The following MMP3 variants were observed in gnomAD, a reference collection of about 807,000 sequenced individuals.
The protein encoded by MMP3 is matrix metallopeptidase 3.
MMP3 carries 46 observed loss-of-function variants against 47.3 expected under a neutral mutation model. The observed-to-expected ratio is 0.97, with a 90% confidence interval of 0.77 to 1.24. The LOEUF (loss-of-function observed/expected upper bound fraction) is 1.24. Among genes scored for constraint, MMP3 ranks in the 50% most tolerant of loss-of-function variants. The pLI, the probability that MMP3 is intolerant of heterozygous loss-of-function variation, is 0.00. For synonymous variants in MMP3, 216 were observed against 206.5 expected (o/e 1.05, Z -0.39); for missense variants, 558 against 565.5 (o/e 0.99, Z 0.13).
chr11:102,843,010 C>G, intron 1 of MMP3, 94 bp from the exon 2 acceptor site: 2 of 1,115,482 alleles, frequency 1.8e-6, no homozygotes, highest in Non-Finnish European at 2.5e-6. Context: ...ACTTCTTAAT[C>G]TATTTGGAGT....
In MMP3 at chr11:102,840,259, G is replaced by T. The variant is rs1858971391; in HGVS notation, c.791-7C>A. 3 of 1,611,168 alleles carry T rather than the reference G, an allele frequency of 1.9e-6. No individual in the cohort carries two copies. In the South Asian group the frequency reaches 3.3e-5, roughly 18 times the overall value. The stretch of plus-strand genomic sequence containing the variant: ...GGGGAGTCAGGGGGAGGTCCTAAAG[G>T]GAACATTAGGGGAAATGTGATACGT... On this transcript the variant is annotated splice_region_variant and splice_polypyrimidine_tract_variant and intron_variant, in intron 5 of 9. Coordinates refer to ENST00000299855, the MANE Select transcript of MMP3 (RefSeq NM_002422.5).
chr11:102,840,195 T>G lies in MMP3; in HGVS notation c.848A>C (p.Glu283Ala), dbSNP rs782700324. 3 of 1,614,032 alleles carry G rather than the reference T, an allele frequency of 1.9e-6. No homozygotes were observed. Among genetic ancestry groups the G allele is most frequent in the Non-Finnish European group, 2.5e-6 (3 of 1,179,974 alleles). ...ATCACAGTTGGCTGGCGTCCCAGGT[T>G]CTGGAGGGACAGGTTCCGTGGGTAC... is the stretch of plus-strand genomic sequence containing the variant. The part of the protein sequence containing the change: ...PLVPTEPVPP[E>A]PGTPANCDPA... Residue 283 changes from glutamate (E) to alanine (A), a missense_variant, in exon 6 of 10, where the codon GAA (glutamate) becomes GCA (alanine). Physicochemically the swap from Glu to Ala is moderately radical, Grantham distance 107. Transcript: ENST00000299855.
chr11:102,841,263 T>C (rs1321388983), intron 4 of MMP3, among the ~76,000 whole-genome samples: 1 of 152,288 alleles, frequency 6.6e-6, no homozygotes, highest in African/African-American at 2.4e-5. Context: ...TTGGGAGGCA[T>C]TGGGTAATTA....
In MMP3 at chr11:102,840,212, C is replaced by T. The variant is rs536932547; in HGVS notation, c.831G>A (p.Thr277=). Residue 277 remains threonine, a synonymous_variant, in exon 6 of 10, where the codon ACG becomes ACA. Transcript: ENST00000299855. ...PDSPETPLVP[T]EPVPPEPGTP... ...TCCCAGGTTCTGGAGGGACAGGTTC[C>T]GTGGGTACCAGGGGGGTCTCAGGGG... The T allele has an allele frequency of 9.9e-6, 16 of 1,613,820 alleles. No individual in the cohort carries two copies. Among genetic ancestry groups the T allele is most frequent in the South Asian group, 4.4e-5 (4 of 91,070 alleles).
In MMP3 at chr11:102,838,603, A is replaced by G; in HGVS notation, c.1177T>C (p.Ser393Pro). 1 of 1,614,066 alleles carries G rather than the reference A, an allele frequency of 6.2e-7. No individual in the cohort carries two copies. The highest frequency in any genetic ancestry group is 1.1e-5 in the South Asian group (1 of 91,070). Residue 393 changes from serine (S) to proline (P), a missense_variant, in exon 8 of 10, where the codon TCT becomes CCT. Ser to Pro is a moderately conservative substitution (Grantham distance 74, BLOSUM62 -1). Coordinates refer to ENST00000299855, the MANE Select transcript of MMP3 (RefSeq NM_002422.5). ...TATGTTTTGTTCTTTTCCTTATCAG[A>G]AATGGCTGCATCGATTTTCCTCACG... is the stretch of plus-strand genomic sequence containing the variant. ...PTVRKIDAAI[S>P]DKEKNKTYFF...
At position 102,836,413 on chromosome 11, in the gene MMP3, GT is replaced by G; in HGVS notation, c.1334-188del. On this transcript the variant is annotated intron_variant, in intron 9 of 9. Transcript: ENST00000299855. The surrounding 1 kb of genome is among the most constrained non-coding windows in gnomAD (Gnocchi z 4.6). ...TTTATTTCTGCAACAACCCTATGAG[GT>G]TGTATGTCTAACTCCATTTACAGAT... The G allele has an allele frequency of 1.5e-6, 1 of 660,252 alleles. No homozygotes were observed. The highest frequency in any genetic ancestry group is 2.9e-6 in the Non-Finnish European group (1 of 350,094). The allele number at this position is 660,252 out of a possible 1,614,324, so 40.9% of individuals were successfully genotyped here.
chr11:102,842,772 G>T lies in MMP3; in HGVS notation c.250C>A (p.Leu84Met). 1 of 1,613,962 alleles carries T rather than the reference G, an allele frequency of 6.2e-7. No homozygotes were observed. The highest frequency in any genetic ancestry group is 1.3e-5 in the African/African-American group (1 of 75,026). ...EVTGKLDSDT[L>M]EVMRKPRCGV... ...CACCTGGGCTTGCGCATCACCTCCAGAGTGTCGGAGTCCAGCTTCCCCGTC... is the reference window on the plus strand; with the variant it reads ...CACCTGGGCTTGCGCATCACCTCCATAGTGTCGGAGTCCAGCTTCCCCGTC... The change falls in exon 2 of 10, where the codon CTG becomes ATG. Residue 84 changes from leucine (L) to methionine (M), a missense_variant. Physicochemically the swap from Leu to Met is conservative, Grantham distance 15. Coordinates refer to ENST00000299855, the MANE Select transcript of MMP3 (RefSeq NM_002422.5).
intron 5 of MMP3, 47 bp from the exon 6 acceptor site, chr11:102,840,299 A>G (rs952235025): frequency 6.2e-7 from 1 of 1,600,462 alleles, no homozygotes; most frequent in Admixed American, 1.7e-5. Flanking sequence ...ATATATGCCC[A>G]TTTGTATGCT....
Position 102,836,180 on chromosome 11 carries a change from T to C in MMP3, c.1380A>G (p.Pro460=). Residue 460 remains proline (P), a synonymous_variant, in exon 10 of 10, where the codon CCA becomes CCG. Coordinates refer to ENST00000299855, the MANE Select transcript of MMP3 (RefSeq NM_002422.5). This position sits in a 1 kb window ranked among gnomAD's most constrained non-coding sequence, Gnocchi z 4.6. ...FTGSSQLEFD[P]NAKKVTHTLK... ...AAGTGTGTGTCACTTTCTTTGCATT[T>C]GGGTCAAACTCCAACTGTGAAGATC... 6.2e-7 allele frequency: 1 copy of C among 1,614,056 alleles called. No individual in the cohort carries two copies. The highest frequency in any genetic ancestry group is 8.5e-7 in the Non-Finnish European group (1 of 1,179,940).
chr11:102,842,404 C>CTTTTTTTTTTTTTTTTTTTTTTTTTTG, intron 3 of MMP3, 27 bp downstream of exon 3: 6 of 810,710 alleles, frequency 7.4e-6, no homozygotes, highest in African/African-American at 3.1e-5. Context: ...TTTTGTTTTG[C>CTTTTTTTTTTTTTTTTTTTTTTTTTTG]TTTTTTTTTT....
chr11:102,838,136 C>A (rs187812605), intron 8 of MMP3, among the ~76,000 whole-genome samples: 1 of 152,256 alleles, frequency 6.6e-6, no homozygotes, highest in Non-Finnish European at 1.5e-5. Flanking sequence ...CACAGTGAGA[C>A]AGTGAGCCAA....
Position 102,843,473 on chromosome 11 carries a change from C to T in MMP3, c.74G>A (p.Arg25Lys). The stretch of plus-strand genomic sequence containing the variant: ...AAGGTTCATGCTGGTGTCCTCACCC[C>T]TTGCAGCTCCATCCAATGGATAGGC... The part of the protein sequence containing the change: ...CSAYPLDGAA[R>K]GEDTSMNLVQ... The change falls in exon 1 of 10, where the codon AGG (arginine) becomes AAG (lysine). Residue 25 changes from arginine (R) to lysine (K), a missense_variant. By Grantham distance (26) the Arg-to-Lys change is conservative. Coordinates refer to ENST00000299855, the MANE Select transcript of MMP3 (RefSeq NM_002422.5). 1 of 1,613,696 alleles carries T rather than the reference C, an allele frequency of 6.2e-7. No individual in the cohort carries two copies. The highest frequency in any genetic ancestry group is 8.5e-7 in the Non-Finnish European group (1 of 1,179,808).
At chr11:102,839,305 C>T in intron 6 of MMP3, 62 bp from the exon 7 acceptor site, 1 of 1,597,076 alleles carries the variant, frequency 6.3e-7, no homozygotes, top group Non-Finnish European at 8.6e-7. Context: ...AGAATATTTT[C>T]CTCACCGTCT....
chr11:102,840,023 A>G, intron 6 of MMP3, 85 bp downstream of exon 6: 2 of 1,393,966 alleles, frequency 1.4e-6, no homozygotes, highest in Non-Finnish European at 2.0e-6. Context: ...TTAAATGTCT[A>G]AGAATCTCTA....
Position 102,842,820 on chromosome 11 carries a change from G to C in MMP3, c.202C>G (p.Gln68Glu). 1 of 1,613,858 alleles carries C rather than the reference G, an allele frequency of 6.2e-7. No individual in the cohort carries two copies. Among genetic ancestry groups the C allele is most frequent in the Non-Finnish European group, 8.5e-7 (1 of 1,179,928 alleles). Residue 68 changes from glutamine (Q) to glutamate (E), a missense_variant, in exon 2 of 10, where the codon CAG becomes GAG. Coordinates refer to ENST00000299855, the MANE Select transcript of MMP3 (RefSeq NM_002422.5). The stretch of plus-strand genomic sequence containing the variant: ...GTCACCTCCAATCCAAGGAACTTCT[G>C]CATTTCTCGGATTTTTTTAACAACA... ...GPVVKKIREM[Q>E]KFLGLEVTGK...
Position 102,842,325 on chromosome 11 carries a change from T to C in MMP3, c.500-46A>G, listed in dbSNP as rs782155726. The C allele has an allele frequency of 5.1e-6, 8 of 1,574,578 alleles. No individual in the cohort carries two copies. The African/African-American group carries it at 5.5e-5, about 11-fold the overall frequency. On this transcript the variant is annotated intron_variant, in intron 3 of 9. Transcript: ENST00000299855. ...TGGAAAGATATGTAACAAGGATCCC[T>C]TTTGAGCCTTTTCCAGTACAACAAC...
chr11:102,839,953 A>G (rs782680172), intron 6 of MMP3, among the ~76,000 whole-genome samples, 155 bp downstream of exon 6: 20 of 152,252 alleles, frequency 1.3e-4, no homozygotes, highest in Non-Finnish European at 2.9e-5. Flanking sequence ...TTTTAGGAAA[A>G]TGTGGGAAAA....
At position 102,836,715 on chromosome 11, in the gene MMP3, G is replaced by A. The variant is rs1029735231; in HGVS notation, c.1334-489C>T. On this transcript the variant is annotated intron_variant, in intron 9 of 9. Coordinates refer to ENST00000299855, the MANE Select transcript of MMP3 (RefSeq NM_002422.5). This position sits in a 1 kb window ranked among gnomAD's most constrained non-coding sequence, Gnocchi z 4.6. ...ACACCAGGGGACCCTTTAGTGCTCTGCAAACATGGTGATCAGGTTACCTTT... is the reference window on the plus strand; with the variant it reads ...ACACCAGGGGACCCTTTAGTGCTCTACAAACATGGTGATCAGGTTACCTTT... The A allele has an allele frequency of 2.7e-5, 9 of 336,240 alleles. No individual in the cohort carries two copies. The highest frequency in any genetic ancestry group is 4.8e-5 in the Non-Finnish European group (8 of 166,154). 20.8% of individuals were successfully genotyped at this position (336,240 alleles called of 1,614,324 possible). A position where few individuals can be genotyped will look rare whatever the true frequency, so the allele number is the denominator to read the frequency against.
Position 102,836,368 on chromosome 11 carries a change from G to A in MMP3, c.1334-142C>T. On this transcript the variant is annotated intron_variant, in intron 9 of 9. Transcript: ENST00000299855. The surrounding 1 kb of genome is among the most constrained non-coding windows in gnomAD (Gnocchi z 4.6). Reference sequence around the variant, plus strand: ...TTATGTCAGGGACTATGCCAAGCTTGTTACATGAATTTATTTTCATTTATT... The same window carrying A: ...TTATGTCAGGGACTATGCCAAGCTTATTACATGAATTTATTTTCATTTATT... The A allele has an allele frequency of 1.4e-6, 1 of 703,440 alleles. No homozygotes were observed. Among genetic ancestry groups the A allele is most frequent in the South Asian group, 1.6e-5 (1 of 62,992 alleles). 43.6% of individuals were successfully genotyped at this position (703,440 alleles called of 1,614,324 possible). A position where few individuals can be genotyped will look rare whatever the true frequency, so the allele number is the denominator to read the frequency against.
Sources: allele counts gnomAD v4.1 joint callset (sites outside exome capture counted in the v4.1 genomes callset), GRCh38; gene constraint gnomAD v4.1.1; non-coding constraint Gnocchi (gnomAD v3.1); transcripts MANE v1.5; gene names NCBI Gene and HGNC (gene_info 2026-07-23, HGNC 2026-07-21).